The following GRIK2 variants were observed in gnomAD, a reference collection of about 807,000 sequenced individuals.
The protein encoded by GRIK2 is glutamate receptor ionotropic, kainate 2.
GRIK2 carries 32 observed loss-of-function variants against 100.3 expected under a neutral mutation model. The observed-to-expected ratio is 0.32, with a 90% confidence interval of 0.24 to 0.43. The LOEUF (loss-of-function observed/expected upper bound fraction) is 0.43. GRIK2 is among the 20% of genes least tolerant of loss of function. The pLI, the probability that GRIK2 is intolerant of heterozygous loss-of-function variation, is 1.00. For synonymous variants in GRIK2, 417 were observed against 389.4 expected, an observed-to-expected ratio of 1.07 and a Z score of -0.83; for missense variants, 843 against 1,114.9, an observed-to-expected ratio of 0.76 and a Z score of 3.47.
chr6:101,581,749 T>C (rs1778109012), intron 2 of GRIK2, among the ~76,000 whole-genome samples: 1 of 152,124 alleles, frequency 6.6e-6, no homozygotes, highest in Non-Finnish European at 1.5e-5. Flanking sequence ...AGATAGAATA[T>C]TAATGGCATA....
At chr6:101,822,318 G>T (rs1782009935) in intron 10 of GRIK2, among the ~76,000 whole-genome samples, 1 of 151,426 alleles carries the variant, frequency 6.6e-6, no homozygotes, top group Non-Finnish European at 1.5e-5. Context: ...GGGTAATTTT[G>T]AGTTATACTA....
intron 14 of GRIK2, among the ~76,000 whole-genome samples, chr6:101,981,101 A>G (rs1793691547): frequency 6.6e-6 from 1 of 151,610 alleles, no homozygotes; most frequent in Non-Finnish European, 1.5e-5. Flanking sequence ...TCCATTAACC[A>G]CATTAGCTGA....
At chr6:101,701,029 A>G (rs1231460860) in intron 7 of GRIK2, among the ~76,000 whole-genome samples, 1 of 152,128 alleles carries the variant, frequency 6.6e-6, no homozygotes, top group Non-Finnish European at 1.5e-5. Context: ...GATGGTATTG[A>G]TTGCAAACAG....
At chr6:101,761,920 CTTTG>C (rs1279135415) in intron 7 of GRIK2, among the ~76,000 whole-genome samples, 25 of 92,978 alleles carry the variant, frequency 2.7e-4, no homozygotes, top group East Asian at 1.4e-3. Flanking sequence ...CCTTTCTTTC[CTTTG>C]TTTGTTTCTT....
chr6:101,479,594 G>T (rs1772421289), intron 2 of GRIK2, among the ~76,000 whole-genome samples: 1 of 151,918 alleles, frequency 6.6e-6, no homozygotes, highest in Non-Finnish European at 1.5e-5. Context: ...TGTAATTTCG[G>T]CATGGTTTTT....
intron 12 of GRIK2, among the ~76,000 whole-genome samples, chr6:101,909,017 T>C (rs966705446): frequency 1.3e-5 from 2 of 151,170 alleles, no homozygotes; most frequent in African/African-American, 2.4e-5. Context: ...AAGGATTCTC[T>C]TCAAAAAAAT....
intron 14 of GRIK2, among the ~76,000 whole-genome samples, chr6:102,002,645 T>G (rs939867916): frequency 2.3e-4 from 35 of 150,692 alleles, no homozygotes; most frequent in Non-Finnish European, 4.7e-4. Context: ...TATTTTTGGT[T>G]ATTTTGGGTA....
intron 2 of GRIK2, among the ~76,000 whole-genome samples, chr6:101,443,988 G>T (rs1770227517): frequency 6.6e-6 from 1 of 151,316 alleles, no homozygotes; most frequent in African/African-American, 2.4e-5. Context: ...GGGCTCAAGG[G>T]GTGTTACCAT....
At chr6:101,759,886 T>G (rs950401722) in intron 7 of GRIK2, among the ~76,000 whole-genome samples, 1 of 141,980 alleles carries the variant, frequency 7.0e-6, no homozygotes, top group Non-Finnish European at 1.5e-5. Flanking sequence ...TATTTTTATT[T>G]TTTTTTGAGA....
intron 2 of GRIK2, among the ~76,000 whole-genome samples, chr6:101,555,955 A>C (rs377592240): frequency 6.6e-6 from 1 of 152,142 alleles, no homozygotes; most frequent in Non-Finnish European, 1.5e-5. Context: ...AAGGAGAAAG[A>C]AGACAATAAG....
chr6:101,592,384 G>A (rs1305201233), intron 2 of GRIK2, among the ~76,000 whole-genome samples: 2 of 151,472 alleles, frequency 1.3e-5, no homozygotes, highest in African/African-American at 2.4e-5. Flanking sequence ...AGGGGTGATG[G>A]ATCTGTGTCC....
chr6:101,831,692 G>C (rs181221124), intron 10 of GRIK2, among the ~76,000 whole-genome samples: 98 of 152,210 alleles, frequency 6.4e-4, no homozygotes, highest in African/African-American at 2.3e-3. Flanking sequence ...TTGTGACTGT[G>C]AATTAGAACT....
At chr6:101,849,441 G>A (rs1315748843) in intron 10 of GRIK2, among the ~76,000 whole-genome samples, 1 of 151,976 alleles carries the variant, frequency 6.6e-6, no homozygotes, top group Non-Finnish European at 1.5e-5. Context: ...TGTTGTTAAG[G>A]TGTAAGTCTG....
intron 10 of GRIK2, among the ~76,000 whole-genome samples, chr6:101,845,737 TA>T (rs1214451544): frequency 6.6e-6 from 1 of 152,176 alleles, no homozygotes; most frequent in African/African-American, 2.4e-5. Flanking sequence ...GAGCTGCCAA[TA>T]TTTTTTTTAT....
At chr6:101,929,923 C>T (rs756220395) in intron 14 of GRIK2, among the ~76,000 whole-genome samples, 1 of 151,988 alleles carries the variant, frequency 6.6e-6, no homozygotes, top group African/African-American at 2.4e-5. Flanking sequence ...CAAAACAATA[C>T]GTTCAGTATG....
chr6:101,697,056 G>C (rs1772540864), intron 7 of GRIK2, among the ~76,000 whole-genome samples: 1 of 151,844 alleles, frequency 6.6e-6, no homozygotes, highest in African/African-American at 2.4e-5. Context: ...TATTACTTTA[G>C]GCAAGTTACC....
At chr6:102,028,949 G>C (rs1175892962) in intron 14 of GRIK2, among the ~76,000 whole-genome samples, 1 of 151,034 alleles carries the variant, frequency 6.6e-6, no homozygotes, top group Non-Finnish European at 1.5e-5. Context: ...CTAATTTGTT[G>C]TTACCTCAAT....
intron 2 of GRIK2, among the ~76,000 whole-genome samples, chr6:101,607,276 G>C (rs868321822): frequency 2.0e-5 from 3 of 151,970 alleles, no homozygotes; most frequent in Admixed American, 6.6e-5. Flanking sequence ...CATTTTGACA[G>C]GATTGGACGA....
At chr6:101,476,975 A>C (rs756211857) in intron 2 of GRIK2, among the ~76,000 whole-genome samples, 3 of 152,184 alleles carry the variant, frequency 2.0e-5, no homozygotes, top group Non-Finnish European at 4.4e-5. Flanking sequence ...ACCATACCAG[A>C]GTAGCAAACA....
Sources: gnomAD v4.1 joint callset for allele counts (sites outside exome capture counted in the v4.1 genomes callset) on GRCh38, gnomAD v4.1.1 for gene constraint, MANE v1.5 for transcripts, NCBI Gene and HGNC (gene_info 2026-07-23, HGNC 2026-07-21) for gene names.